The following TRMT1L variants were observed in gnomAD, a reference collection of about 807,000 sequenced individuals.
The protein encoded by TRMT1L is tRNA methyltransferase 1L.
A neutral mutation model predicts 81.6 loss-of-function variants in TRMT1L; 28 were observed. The observed-to-expected ratio is 0.34, with a 90% CI of 0.25 to 0.47. The LOEUF is 0.47. Among genes scored for constraint, TRMT1L ranks in the 20% least tolerant of loss-of-function variants. TRMT1L has a pLI of 1.00. For missense variants in TRMT1L, 739 were observed against 877.1 expected, an observed-to-expected ratio of 0.84 and a Z score of 1.99; for synonymous variants, 301 against 303.2, an observed-to-expected ratio of 0.99 and a Z score of 0.07.
intron 1 of TRMT1L, among the ~76,000 whole-genome samples, chr1:185,152,886 T>C (rs1653402305): frequency 6.6e-6 from 1 of 152,192 alleles, no homozygotes; most frequent in Non-Finnish European, 1.5e-5. Context: ...CCAGCAATAA[T>C]GTATAATAGG....
rs114027178 is a variant in TRMT1L at position 185,129,876 on chromosome 1, G to A, written c.1514-1129C>T. ...GTTGAGAACTATGTTCCTCAAATATGAGTATACTTAAGAAGTCTTCTCTTA... is the reference window on the plus strand; with the variant it reads ...GTTGAGAACTATGTTCCTCAAATATAAGTATACTTAAGAAGTCTTCTCTTA... On this transcript the variant is annotated intron_variant, in intron 10 of 14. Coordinates refer to ENST00000367506, the MANE Select transcript of TRMT1L (RefSeq NM_030934.5). Among the ~76,000 whole-genome samples the A allele has an allele frequency of 3.7e-3, 566 of 152,278 alleles. 6 individuals are homozygous for A. Among genetic ancestry groups the A allele is most frequent in the African/African-American group, 0.013 (539 of 41,554 alleles).
At chr1:185,150,297 T>C in intron 3 of TRMT1L, 82 bp downstream of exon 3, 4 of 896,082 alleles carry the variant, frequency 4.5e-6, no homozygotes, top group Non-Finnish European at 7.0e-6. Context: ...TATTTGATTA[T>C]ACTCATGATA....
chr1:185,120,759 A>C, intron 13 of TRMT1L: 1 of 270,460 alleles, frequency 3.7e-6, no homozygotes, highest in Non-Finnish European at 6.8e-6. Flanking sequence ...TCCTGTAGGA[A>C]GCCATCTGTC....
intron 9 of TRMT1L, among the ~76,000 whole-genome samples, 156 bp downstream of exon 9, chr1:185,139,211 A>G (rs1383215175): frequency 1.3e-5 from 2 of 152,240 alleles, no homozygotes; most frequent in Admixed American, 6.5e-5. Flanking sequence ...ATAAAATTAC[A>G]ACAGATACCA....
chr1:185,144,272 G>T (rs1021602721), intron 5 of TRMT1L, among the ~76,000 whole-genome samples: 1 of 151,984 alleles, frequency 6.6e-6, no homozygotes, highest in Non-Finnish European at 1.5e-5. Context: ...TCTGATTAAT[G>T]AAAGTTAATT....
At chr1:185,145,917 A>T (rs1360022741) in intron 4 of TRMT1L, among the ~76,000 whole-genome samples, 2 of 151,974 alleles carry the variant, frequency 1.3e-5, no homozygotes, top group Non-Finnish European at 2.9e-5. Flanking sequence ...CCTGATTTGT[A>T]GTATTTGCAG....
chr1:185,139,966 T>TA lies in TRMT1L; in HGVS notation c.1109+6dup. 1 of 1,602,458 alleles carries TA rather than the reference T, an allele frequency of 6.2e-7. No homozygotes were observed. Among genetic ancestry groups the TA allele is most frequent in the Non-Finnish European group, 8.5e-7 (1 of 1,173,374 alleles). The stretch of plus-strand genomic sequence containing the variant: ...AGAAAGTGACACGGCAAGTCTTTTC[T>TA]ACTTACATGAAATCAAAAGATCTCA... On this transcript the variant is annotated splice_region_variant and intron_variant, in intron 8 of 14. Coordinates refer to ENST00000367506, the MANE Select transcript of TRMT1L (RefSeq NM_030934.5).
intron 1 of TRMT1L, among the ~76,000 whole-genome samples, chr1:185,156,193 G>A (rs946896165): frequency 1.3e-5 from 2 of 152,140 alleles, no homozygotes; most frequent in African/African-American, 4.8e-5. Context: ...ACCTTAAAAA[G>A]ACTCCCTTTT....
intron 2 of TRMT1L, among the ~76,000 whole-genome samples, chr1:185,151,318 A>AC (rs760440904): frequency 1.3e-5 from 2 of 152,180 alleles, no homozygotes; most frequent in African/African-American, 2.4e-5. Context: ...CACATACAGT[A>AC]CAATAGAGTA....
intron 9 of TRMT1L, 53 bp downstream of exon 9, chr1:185,139,314 C>A: frequency 7.0e-7 from 1 of 1,433,490 alleles, no homozygotes; most frequent in East Asian, 2.4e-5. Flanking sequence ...GTAATATTAT[C>A]TCTTTTTATC....
At chr1:185,138,728 A>T (rs899400398) in intron 9 of TRMT1L, among the ~76,000 whole-genome samples, 2 of 152,230 alleles carry the variant, frequency 1.3e-5, no homozygotes, top group Admixed American at 6.5e-5. Context: ...CAAGTTTGTA[A>T]GCCATCATTT....
Position 185,132,849 on chromosome 1 carries a change from T to G in TRMT1L, c.1514-4102A>C, listed in dbSNP as rs557812336. ...GCAATCTATAGGAAAAAGTGTCCAC[T>G]CAAAATGAAGAAGTAAACAAGGAAA... On this transcript the variant is annotated intron_variant, in intron 10 of 14. Transcript: ENST00000367506. Among the ~76,000 whole-genome samples the G allele has an allele frequency of 3.3e-5, 5 of 152,246 alleles. No individual in the cohort carries two copies. In the South Asian group the frequency reaches 1.0e-3, roughly 32 times the overall value.
chr1:185,123,575 CTT>C (rs1037074245), intron 13 of TRMT1L, among the ~76,000 whole-genome samples: 1 of 151,920 alleles, frequency 6.6e-6, no homozygotes, highest in Non-Finnish European at 1.5e-5. Context: ...TTATATATAA[CTT>C]TATCATATAT....
At chr1:185,133,530 G>C (rs1390308934) in intron 10 of TRMT1L, among the ~76,000 whole-genome samples, 2 of 151,460 alleles carry the variant, frequency 1.3e-5, no homozygotes, top group African/African-American at 4.9e-5. Context: ...ATTACTTTGA[G>C]ATTAGGTTAC....
At chr1:185,157,045 G>A, upstream of TRMT1L, 1 of 310,198 alleles carries the variant, frequency 3.2e-6, no homozygotes, top group South Asian at 4.0e-5. Context: ...CGGCCCACCG[G>A]CCAACCACCA....
intron 4 of TRMT1L, 121 bp from the exon 5 acceptor site, chr1:185,145,689 G>C: frequency 1.1e-6 from 1 of 945,684 alleles, no homozygotes; most frequent in Non-Finnish European, 1.5e-6. Context: ...TTTTAATTTT[G>C]CCATGTGACT....
chr1:185,145,640 A>G (rs1291972688), intron 4 of TRMT1L, 72 bp from the exon 5 acceptor site: 4 of 1,461,448 alleles, frequency 2.7e-6, no homozygotes, highest in South Asian at 1.2e-5. Flanking sequence ...TGCAAATTTA[A>G]GTACATTAGT....
At chr1:185,120,604 C>A (rs143839327) in intron 13 of TRMT1L, 95 bp from the exon 14 acceptor site, 17 of 1,128,416 alleles carry the variant, frequency 1.5e-5, no homozygotes, top group Non-Finnish European at 1.8e-5. Flanking sequence ...AATCCTGACA[C>A]ATTATTTCAA....
intron 13 of TRMT1L, among the ~76,000 whole-genome samples, chr1:185,122,976 T>C (rs180902724): frequency 1.7e-3 from 263 of 152,290 alleles, no homozygotes; most frequent in Admixed American, 5.2e-3. Context: ...TGAGCCACTA[T>C]GCCCAGCAAA....
Sources: gnomAD v4.1 joint callset for allele counts (sites outside exome capture counted in the v4.1 genomes callset) on GRCh38, gnomAD v4.1.1 for gene constraint, MANE v1.5 for transcripts, NCBI Gene and HGNC (gene_info 2026-07-23, HGNC 2026-07-21) for gene names.